The following RAB30 variants were observed in gnomAD, a reference collection of about 807,000 sequenced individuals.
RAB30 encodes ras-related protein Rab-30.
A neutral mutation model predicts 25.1 loss-of-function variants in RAB30; 9 were observed. That is an observed-to-expected ratio of 0.36 (90% CI 0.22 to 0.63). RAB30 has a LOEUF of 0.63. Ranked by LOEUF, RAB30 falls within the 20% of genes least tolerant of loss-of-function variation. The probability of loss-of-function intolerance (pLI) is 0.69; values close to 1 mark genes in which losing one functional copy is unlikely to be tolerated. For synonymous variants in RAB30, 77 were observed against 86.4 expected, an observed-to-expected ratio of 0.89 and a Z score of 0.60; for missense variants, 140 against 243.5, an observed-to-expected ratio of 0.58 and a Z score of 2.83.
chr11:83,040,556 C>T (rs191931087), intron 1 of RAB30, among the ~76,000 whole-genome samples: 1 of 147,790 alleles, frequency 6.8e-6, no homozygotes, highest in East Asian at 2.0e-4. Flanking sequence ...GTGCCATTGG[C>T]ACTCCAGCCT....
At chr11:82,991,999 C>T (rs931822129) in intron 3 of RAB30, among the ~76,000 whole-genome samples, 2 of 152,168 alleles carry the variant, frequency 1.3e-5, no homozygotes, top group African/African-American at 4.8e-5. Context: ...GGGACCATTC[C>T]TTATTCACCC....
rs1856558683 is a variant in RAB30, at chr11:82,977,134, G to A, written c.*5031C>T. 1 of 152,180 alleles carries A rather than the reference G, an allele frequency of 6.6e-6. No individual in the cohort carries two copies. Among genetic ancestry groups the A allele is most frequent in the Non-Finnish European group, 1.5e-5 (1 of 68,030 alleles). 9.4% of individuals were successfully genotyped at this position (152,180 alleles called of 1,614,324 possible). On this transcript the variant is annotated 3_prime_UTR_variant, in exon 5 of 5. Transcript: ENST00000527633. Reference sequence around the variant, plus strand: ...AGACACCCATTATTTATTAAACAGAGCAAGGCCTATGTTTAGCAAGTGATA... The same window carrying A: ...AGACACCCATTATTTATTAAACAGAACAAGGCCTATGTTTAGCAAGTGATA...
intron 1 of RAB30, among the ~76,000 whole-genome samples, chr11:83,062,755 CTT>C (rs1858610961): frequency 6.6e-6 from 1 of 151,834 alleles, no homozygotes; most frequent in Non-Finnish European, 1.5e-5. Flanking sequence ...AATCCCAGCA[CTT>C]TGAGAGGCTG....
chr11:83,031,878 G>A (rs1857870487), intron 1 of RAB30, among the ~76,000 whole-genome samples: 1 of 152,128 alleles, frequency 6.6e-6, no homozygotes, highest in Admixed American at 6.5e-5. Flanking sequence ...ACTTAGTCGA[G>A]GTTCTTTTCT....
intron 1 of RAB30, among the ~76,000 whole-genome samples, chr11:83,050,084 C>T (rs1239409741): frequency 6.6e-6 from 1 of 151,912 alleles, no homozygotes; most frequent in East Asian, 1.9e-4. Flanking sequence ...ATAGGGAGAC[C>T]TCATCTCTAA....
At chr11:83,033,187 C>T (rs1355519835) in intron 1 of RAB30, among the ~76,000 whole-genome samples, 7 of 151,174 alleles carry the variant, frequency 4.6e-5, no homozygotes, top group African/African-American at 1.5e-4. Context: ...GCCTCAGCCT[C>T]CGGAGTAGCT....
At chr11:82,987,897 T>A (rs2121442021) in intron 3 of RAB30, 127 bp from the exon 4 acceptor site, 1 of 315,864 alleles carries the variant, frequency 3.2e-6, no homozygotes, top group South Asian at 1.7e-4. Flanking sequence ...CATGGTTATT[T>A]TCTGCCCTAA....
In RAB30 at chr11:82,977,221, T is replaced by C. The variant is rs1026286659; in HGVS notation, c.*4944A>G. 2.6e-5 allele frequency: 4 copies of C among 152,196 alleles called. No individual in the cohort carries two copies. Among genetic ancestry groups the C allele is most frequent in the Admixed American group, 1.3e-4 (2 of 15,280 alleles). 9.4% of individuals were successfully genotyped at this position (152,196 alleles called of 1,614,324 possible). A position where few individuals can be genotyped will look rare whatever the true frequency, so the allele number is the denominator to read the frequency against. On this transcript the variant is annotated 3_prime_UTR_variant, in exon 5 of 5. Coordinates refer to ENST00000527633, the MANE Select transcript of RAB30 (RefSeq NM_001286060.2). ...ACCTTTTGATTCAACAGGACATCAATGAATGGACCGACAAAGCAAGTCCAG... is the reference window on the plus strand; with the variant it reads ...ACCTTTTGATTCAACAGGACATCAACGAATGGACCGACAAAGCAAGTCCAG...
intron 1 of RAB30, among the ~76,000 whole-genome samples, chr11:83,054,764 G>C (rs915479562): frequency 6.6e-6 from 1 of 152,152 alleles, no homozygotes; most frequent in African/African-American, 2.4e-5. Context: ...CTACTCAGGA[G>C]GCTGAGGTGG....
intron 1 of RAB30, among the ~76,000 whole-genome samples, chr11:83,014,593 G>T (rs1857373351): frequency 9.4e-6 from 1 of 106,108 alleles, no homozygotes; most frequent in African/African-American, 4.5e-5. Context: ...AAGAAAGAGA[G>T]AGGCAGAGGC....
chr11:82,999,496 C>G (rs1397256502), intron 1 of RAB30, among the ~76,000 whole-genome samples: 1 of 152,176 alleles, frequency 6.6e-6, no homozygotes, highest in Non-Finnish European at 1.5e-5. Context: ...ATGGGAGCCC[C>G]TAAGGGCAGT....
intron 1 of RAB30, among the ~76,000 whole-genome samples, chr11:83,026,251 G>T (rs1421134303): frequency 6.6e-6 from 1 of 152,098 alleles, no homozygotes; most frequent in Non-Finnish European, 1.5e-5. Context: ...TAAGGCCATA[G>T]GGCTGAGTAG....
chr11:82,993,491 C>T (rs560776511), intron 3 of RAB30, among the ~76,000 whole-genome samples: 1 of 152,310 alleles, frequency 6.6e-6, no homozygotes, highest in South Asian at 2.1e-4. Flanking sequence ...TGTCCTGTTC[C>T]TGGACACACC....
At chr11:83,001,351 A>T (rs1183824030) in intron 1 of RAB30, among the ~76,000 whole-genome samples, 6 of 151,734 alleles carry the variant, frequency 4.0e-5, no homozygotes, top group South Asian at 2.1e-4. Flanking sequence ...AATTTTTTAA[A>T]TTTTTTTTGT....
chr11:83,021,059 G>A (rs542479926), intron 1 of RAB30, among the ~76,000 whole-genome samples: 11 of 152,250 alleles, frequency 7.2e-5, no homozygotes, highest in Non-Finnish European at 1.3e-4. Context: ...TATCCTCTCC[G>A]CTAGGAGTTA....
At chr11:83,028,730 C>A (rs1590863074) in intron 1 of RAB30, among the ~76,000 whole-genome samples, 1 of 152,308 alleles carries the variant, frequency 6.6e-6, no homozygotes, top group East Asian at 1.9e-4. Context: ...AAGAAAGATA[C>A]TTTAAAGTAT....
At chr11:83,060,602 C>T (rs1333431953) in intron 1 of RAB30, among the ~76,000 whole-genome samples, 1 of 152,168 alleles carries the variant, frequency 6.6e-6, no homozygotes, top group Non-Finnish European at 1.5e-5. Context: ...TAACTTGAAT[C>T]TAATAATGAG....
At chr11:82,983,016 A>G (rs942426403) in intron 4 of RAB30, among the ~76,000 whole-genome samples, 9 of 152,140 alleles carry the variant, frequency 5.9e-5, no homozygotes, top group African/African-American at 2.2e-4. Context: ...GAGTATTTCT[A>G]TATACTGCCA....
intron 1 of RAB30, among the ~76,000 whole-genome samples, chr11:83,048,827 C>A (rs1858289656): frequency 6.6e-6 from 1 of 152,174 alleles, no homozygotes; most frequent in African/African-American, 2.4e-5. Flanking sequence ...CCCCAAACAG[C>A]CTCACCCACC....
Sources: allele counts gnomAD v4.1 joint callset (sites outside exome capture counted in the v4.1 genomes callset), GRCh38; gene constraint gnomAD v4.1.1; transcripts MANE v1.5; gene names NCBI Gene and HGNC (gene_info 2026-07-23, HGNC 2026-07-21).